HMGXB3: variants seen among roughly 807,000 people sequenced by gnomAD.
The protein encoded by HMGXB3 is HMG domain-containing protein 3.
Under a neutral mutation model 121.5 loss-of-function variants are expected in HMGXB3, and 45 were observed. That is an observed-to-expected ratio of 0.37 (90% CI 0.29 to 0.47). HMGXB3 has a LOEUF of 0.47. HMGXB3 is among the 20% of genes least tolerant of loss of function. The pLI is 0.99. For synonymous variants in HMGXB3, 590 were observed against 624.1 expected (o/e 0.95, Z 0.81); for missense variants, 1,376 against 1,602.2 (o/e 0.86, Z 2.41).
chr5:150,033,205 T>C (rs1756421828), intron 11 of HMGXB3, among the ~76,000 whole-genome samples: 1 of 152,154 alleles, frequency 6.6e-6, no homozygotes, highest in Non-Finnish European at 1.5e-5. Flanking sequence ...AATTTCCATA[T>C]GAGTTTTTTA....
chr5:150,006,563 T>A lies in HMGXB3; in HGVS notation c.228T>A (p.Ile76=). The A allele has an allele frequency of 1.9e-6, 3 of 1,552,120 alleles. No individual in the cohort carries two copies. The highest frequency in any genetic ancestry group is 2.6e-6 in the Non-Finnish European group (3 of 1,147,056). The change falls in exon 3 of 20, where the codon ATT becomes ATA. Residue 76 remains isoleucine (I), a synonymous_variant. Coordinates refer to ENST00000502717, the MANE Select transcript of HMGXB3 (RefSeq NM_014983.3). ...HLPQSEINKK[I]SESWRLLSVA... ...CTCAGTCTGAGATCAATAAGAAGAT[T>A]AGTGAGAGTTGGAGGCTTCTCAGCG...
intron 18 of HMGXB3, among the ~76,000 whole-genome samples, chr5:150,049,506 A>T (rs1373754633): frequency 6.6e-6 from 1 of 152,180 alleles, no homozygotes; most frequent in Non-Finnish European, 1.5e-5. Context: ...CTGTAAAAAG[A>T]GAATCCAGTT....
At chr5:150,041,689 C>A in intron 14 of HMGXB3, 96 bp from the exon 15 acceptor site, 2 of 860,024 alleles carry the variant, frequency 2.3e-6, no homozygotes, top group Non-Finnish European at 1.8e-6. Context: ...GTGAATCAGT[C>A]TGGCAGAATT....
intron 16 of HMGXB3, among the ~76,000 whole-genome samples, chr5:150,046,363 G>A (rs1297410882): frequency 6.6e-6 from 1 of 152,172 alleles, no homozygotes; most frequent in African/African-American, 2.4e-5. Context: ...TCGTACATAT[G>A]CAAGTGTGTA....
intron 4 of HMGXB3, 60 bp downstream of exon 4, chr5:150,010,668 G>T: frequency 6.9e-7 from 1 of 1,455,580 alleles, no homozygotes; most frequent in Non-Finnish European, 9.3e-7. Context: ...AGGGCAGCTA[G>T]CACCATACAG....
rs1756938661 is a variant in HMGXB3, at chr5:150,052,333, A to G, written c.*141A>G. ...TGCTGGGACTGACCAAAGAGCTTCC[A>G]TTCCCTGAGCATGGTGGGACCCAGG... On this transcript the variant is annotated 3_prime_UTR_variant, in exon 20 of 20. Coordinates refer to ENST00000502717, the MANE Select transcript of HMGXB3 (RefSeq NM_014983.3). 4.4e-6 allele frequency: 3 copies of G among 679,634 alleles called. No homozygotes were observed. The highest frequency in any genetic ancestry group is 7.3e-6 in the Non-Finnish European group (3 of 408,474). 42.1% of individuals were successfully genotyped at this position (679,634 alleles called of 1,614,324 possible). A position where few individuals can be genotyped will look rare whatever the true frequency, so the allele number is the denominator to read the frequency against.
In HMGXB3 at chr5:150,011,187, T is replaced by A. The variant is rs1240953024; in HGVS notation, c.810+579T>A. 2.6e-5 allele frequency among the ~76,000 whole-genome samples: 4 copies of A among 152,202 alleles called. No individual in the cohort carries two copies. In the South Asian group the frequency reaches 6.2e-4, roughly 24 times the overall value. On this transcript the variant is annotated intron_variant, in intron 4 of 19. Coordinates refer to ENST00000502717, the MANE Select transcript of HMGXB3 (RefSeq NM_014983.3). ...CAGGTCTTCCTGGATTCAGATGGGG[T>A]AGGAAGAAAAAAGTTATCTTCAAGG... is the stretch of plus-strand genomic sequence containing the variant.
chr5:150,021,572 C>T (rs757727033), intron 6 of HMGXB3: 7 of 401,452 alleles, frequency 1.7e-5, no homozygotes, highest in Non-Finnish European at 2.9e-5. Context: ...TTGACTTAAG[C>T]ATCTGCAGTG....
At position 150,001,619 on chromosome 5, in the gene HMGXB3, T is replaced by C. The variant is rs551305332; in HGVS notation, c.-3+440T>C. The stretch of plus-strand genomic sequence containing the variant: ...CTGGTGCGACTGGTGTAGTCTGTAC[T>C]AGAACCCGGATTTTCTGTCCTCTAG... On this transcript the variant is annotated intron_variant, in intron 1 of 19. Transcript: ENST00000502717. 8.7e-4 allele frequency among the ~76,000 whole-genome samples: 133 copies of C among 152,328 alleles called. 1 individual carries two copies. The highest frequency in any genetic ancestry group is 3.0e-3 in the African/African-American group (124 of 41,590).
intron 11 of HMGXB3, among the ~76,000 whole-genome samples, chr5:150,035,074 A>G (rs568277581): frequency 9.0e-4 from 137 of 152,312 alleles, no homozygotes; most frequent in African/African-American, 3.2e-3. Flanking sequence ...AAAGATAACC[A>G]AGCTATTACA....
chr5:150,010,597 A>G lies in HMGXB3; in HGVS notation c.799A>G (p.Thr267Ala). 6.4e-7 allele frequency: 1 copy of G among 1,550,598 alleles called. No homozygotes were observed. The highest frequency in any genetic ancestry group is 2.4e-5 in the East Asian group (1 of 40,910). The change falls in exon 4 of 20, where the codon ACA (threonine) becomes GCA (alanine). Residue 267 changes from threonine to alanine, a missense_variant. Thr to Ala is a moderately conservative substitution (Grantham distance 58, BLOSUM62 0). Transcript: ENST00000502717. Reference protein sequence around the residue: ...PQVGESVSVVTVMRDSSESSS... With the variant: ...PQVGESVSVVAVMRDSSESSS... ...GGTTGGGGAGAGTGTATCAGTGGTA[A>G]CAGTCATGAGGGTAAGTGGCTTTGG...
intron 10 of HMGXB3, among the ~76,000 whole-genome samples, chr5:150,031,836 G>T (rs1233493092): frequency 6.6e-6 from 1 of 152,158 alleles, no homozygotes; most frequent in African/African-American, 2.4e-5. Context: ...TGTCTGGCCT[G>T]ACCTGATCCA....
At chr5:150,017,172 C>CT (rs1017265417) in intron 5 of HMGXB3, among the ~76,000 whole-genome samples, 1 of 152,126 alleles carries the variant, frequency 6.6e-6, no homozygotes, top group Non-Finnish European at 1.5e-5. Context: ...AACATTAGCA[C>CT]TTTTTTTCCT....
chr5:150,017,734 TA>T (rs1260124369), intron 5 of HMGXB3, among the ~76,000 whole-genome samples: 1 of 152,220 alleles, frequency 6.6e-6, no homozygotes. Context: ...CTGGGATTAA[TA>T]GCTGAGTAAA....
At position 150,024,282 on chromosome 5, in the gene HMGXB3, A is replaced by G; in HGVS notation, c.1062A>G (p.Lys354=). The part of the protein sequence containing the change: ...WIPKEKPAKV[K]VELASGVSSK... ...TCTAGGAAAAGCCAGCCAAAGTAAA[A>G]GTGGAATTGGCTTCTGGCGTCTCTT... The change falls in exon 7 of 20, where the codon AAA becomes AAG. Residue 354 remains lysine, a synonymous_variant. Coordinates refer to ENST00000502717, the MANE Select transcript of HMGXB3 (RefSeq NM_014983.3). 1 of 1,533,894 alleles carries G rather than the reference A, an allele frequency of 6.5e-7. No individual in the cohort carries two copies. The highest frequency in any genetic ancestry group is 1.2e-5 in the South Asian group (1 of 80,866).
At chr5:150,050,569 C>T (rs1756866896) in intron 19 of HMGXB3, 108 bp downstream of exon 19, 4 of 823,964 alleles carry the variant, frequency 4.9e-6, no homozygotes, top group Non-Finnish European at 7.7e-6. Context: ...GCAACCTCTG[C>T]CTCCCAGGTT....
chr5:150,038,971 T>C (rs1023869675), intron 13 of HMGXB3, among the ~76,000 whole-genome samples: 3 of 152,218 alleles, frequency 2.0e-5, no homozygotes, highest in African/African-American at 7.2e-5. Flanking sequence ...AGGAGTCAGA[T>C]TGCTGGGTCA....
Position 150,040,780 on chromosome 5 carries a change from A to G in HMGXB3, c.2446A>G (p.Ser816Gly). 1 of 1,552,154 alleles carries G rather than the reference A, an allele frequency of 6.4e-7. No homozygotes were observed. The stretch of plus-strand genomic sequence containing the variant: ...TAATGTGGGGAACAAGCTGCTGGTA[A>G]GCCTGGACTTGCTTTTTGCAATCAG... ...LFNVGNKLLV[S>G]LDLLFAIRNQ... Residue 816 changes from serine (S) to glycine (G), a missense_variant, in exon 14 of 20, where the codon AGC (serine) becomes GGC (glycine). Physicochemically the swap from Ser to Gly is moderately conservative, Grantham distance 56 (BLOSUM62 0). This residue lies in a region of HMGXB3 where 1,116 missense variants were observed against 1,369.0 expected (regional missense o/e 0.82). Coordinates refer to ENST00000502717, the MANE Select transcript of HMGXB3 (RefSeq NM_014983.3).
intron 16 of HMGXB3, among the ~76,000 whole-genome samples, chr5:150,046,239 C>G (rs1756751823): frequency 6.6e-6 from 1 of 152,168 alleles, no homozygotes; most frequent in Non-Finnish European, 1.5e-5. Context: ...AATAGCTACC[C>G]ACTTCCTAGA....
Sources: gnomAD v4.1 joint callset for allele counts (sites outside exome capture counted in the v4.1 genomes callset) on GRCh38, gnomAD v4.1.1 for gene constraint, gnomAD v4.1.1 regional missense constraint, MANE v1.5 for transcripts, NCBI Gene and HGNC (gene_info 2026-07-23, HGNC 2026-07-21) for gene names.